The following FGL1 variants were observed in gnomAD, a reference collection of about 807,000 sequenced individuals.
FGL1 encodes the protein fibrinogen-like protein 1.
In FGL1, 59 loss-of-function variants were observed where a neutral mutation model predicts 43.7. The ratio of observed to expected loss-of-function variants is 1.35; its 90% confidence interval spans 1.10 to 1.68. The LOEUF is 1.68. Ranked by LOEUF, FGL1 falls within the 40% of genes most tolerant of loss-of-function variation. FGL1 has a pLI of 0.00. For missense variants in FGL1, 596 were observed against 373.0 expected (o/e 1.60, Z -4.92); for synonymous variants, 192 against 126.5 (o/e 1.52, Z -3.48).
chr8:17,871,269 G>A (rs970581338), intron 5 of FGL1, among the ~76,000 whole-genome samples: 1 of 152,126 alleles, frequency 6.6e-6, no homozygotes, highest in African/African-American at 2.4e-5. Context: ...AAGGCACGCA[G>A]ATGACTTGAA....
chr8:17,868,649 C>G lies in FGL1; in HGVS notation c.678G>C (p.Trp226Cys), dbSNP rs2053308013. 5.6e-6 allele frequency: 9 copies of G among 1,614,032 alleles called. No homozygotes were observed. In the East Asian group the frequency reaches 2.0e-4, roughly 36 times the overall value. The change falls in exon 7 of 8, where the codon TGG becomes TGC. Residue 226 changes from tryptophan to cysteine, a missense_variant. Transcript: ENST00000427924. ...AGNFHPEVQW[W>C]ASHQRMKFST... ...TGAATTTCATTCTTTGGTGACTAGC[C>G]CACCACTGCACCTCAGGATGAAAAT...
chr8:17,867,832 G>A (rs550030605), intron 7 of FGL1, among the ~76,000 whole-genome samples: 1 of 152,316 alleles, frequency 6.6e-6, no homozygotes, highest in Non-Finnish European at 1.5e-5. Context: ...CACTTTGGGA[G>A]GCCGGGGTAG....
chr8:17,866,765 A>C (rs2053275813), intron 7 of FGL1, among the ~76,000 whole-genome samples: 1 of 152,250 alleles, frequency 6.6e-6, no homozygotes, highest in Non-Finnish European at 1.5e-5. Context: ...TGATCTCAGG[A>C]TACTATTAGT....
rs755683462 is a variant in FGL1 at position 17,868,903 on chromosome 8, A to G, written c.591+13T>C. ...ATTTATTCACGGTTTTACTTCTTAGAAAATTGTAGTACCTTTTCATCTCCA... is the reference window on the plus strand; with the variant it reads ...ATTTATTCACGGTTTTACTTCTTAGGAAATTGTAGTACCTTTTCATCTCCA... On this transcript the variant is annotated intron_variant, in intron 6 of 7. Transcript: ENST00000427924. 1 of 1,574,112 alleles carries G rather than the reference A, an allele frequency of 6.4e-7. No individual in the cohort carries two copies. The highest frequency in any genetic ancestry group is 2.2e-5 in the East Asian group (1 of 44,502).
intron 1 of FGL1, among the ~76,000 whole-genome samples, chr8:17,886,541 C>T (rs1041113007): frequency 1.5e-4 from 23 of 151,914 alleles, no homozygotes; most frequent in Non-Finnish European, 5.9e-5. Flanking sequence ...GCAGATCACT[C>T]GAGGTCAGGA....
intron 3 of FGL1, among the ~76,000 whole-genome samples, chr8:17,874,904 G>T (rs118117159): frequency 0.037 from 5,564 of 151,950 alleles, 138 homozygotes; most frequent in African/African-American, 0.059. Flanking sequence ...ACTCCCAAAG[G>T]GCTGGGATTA....
At chr8:17,866,793 GAATTGTTTTCAAAATCA>G (rs1436434690) in intron 7 of FGL1, among the ~76,000 whole-genome samples, 1 of 152,214 alleles carries the variant, frequency 6.6e-6, no homozygotes, top group Non-Finnish European at 1.5e-5. Flanking sequence ...TCTGTATATG[GAATTGTTTTCAAAATCA>G]AACATTGGTG....
intron 7 of FGL1, among the ~76,000 whole-genome samples, chr8:17,867,446 GT>G (rs1028521385): frequency 6.6e-6 from 1 of 152,104 alleles, no homozygotes; most frequent in African/African-American, 2.4e-5. Flanking sequence ...GTAGTTCTCT[GT>G]TTTTTCCTAT....
At chr8:17,895,327 C>T (rs2053759155) in intron 1 of FGL1, 120 bp downstream of exon 1, 1 of 1,144,550 alleles carries the variant, frequency 8.7e-7, no homozygotes, top group African/African-American at 1.6e-5. Context: ...CCTTGCTAGT[C>T]AACCTGACTT....
chr8:17,871,097 C>T (rs532013842), intron 5 of FGL1, among the ~76,000 whole-genome samples: 2 of 152,180 alleles, frequency 1.3e-5, no homozygotes, highest in South Asian at 4.2e-4. Flanking sequence ...ACCACAATTT[C>T]CTTGCCCCAG....
intron 1 of FGL1, among the ~76,000 whole-genome samples, chr8:17,892,196 A>T (rs1414801630): frequency 6.6e-6 from 1 of 152,198 alleles, no homozygotes. Context: ...GGAAAAAAAT[A>T]AATGCCCTTA....
intron 3 of FGL1, among the ~76,000 whole-genome samples, chr8:17,880,321 G>A (rs894581762): frequency 2.0e-5 from 3 of 152,216 alleles, no homozygotes; most frequent in Non-Finnish European, 4.4e-5. Flanking sequence ...AGAGTCTCAT[G>A]CGCTACAGTG....
intron 7 of FGL1, among the ~76,000 whole-genome samples, chr8:17,866,798 G>C (rs2517288): frequency 0.77 from 116,963 of 152,230 alleles, 45,512 homozygotes; most frequent in African/African-American, 0.83. Flanking sequence ...ATATGGAATT[G>C]TTTTCAAAAT....
chr8:17,874,339 G>A (rs760572785), intron 4 of FGL1, 23 bp downstream of exon 4: 11 of 1,607,052 alleles, frequency 6.8e-6, no homozygotes, highest in South Asian at 4.4e-5. Flanking sequence ...TACATATAAA[G>A]TCTTACATCA....
Position 17,882,130 on chromosome 8 carries a change from C to T in FGL1, c.113G>A (p.Arg38His), listed in dbSNP as rs78484373. 4.5e-5 allele frequency: 72 copies of T among 1,613,790 alleles called. No homozygotes were observed. The highest frequency in any genetic ancestry group is 6.7e-5 in the African/African-American group (5 of 74,858). Residue 38 changes from arginine to histidine, a missense_variant, in exon 3 of 8, where the codon CGC (arginine) becomes CAC (histidine). Coordinates refer to ENST00000427924, the MANE Select transcript of FGL1 (RefSeq NM_004467.4). The stretch of plus-strand genomic sequence containing the variant: ...CTGTTTGACCCGGGTCTCAAGCAGG[C>T]GCACCTGGGCTCTGAGCCGCATCTG... Reference protein sequence around the residue: ...QEQMRLRAQVRLLETRVKQQQ... With the variant: ...QEQMRLRAQVHLLETRVKQQQ...
At chr8:17,895,127 A>G in intron 1 of FGL1, 1 of 241,178 alleles carries the variant, frequency 4.1e-6, no homozygotes, top group Non-Finnish European at 6.7e-6. Context: ...CATATTTAGA[A>G]AGTCATTATA....
chr8:17,871,213 C>T (rs942540569), intron 5 of FGL1, among the ~76,000 whole-genome samples: 8 of 152,042 alleles, frequency 5.3e-5, no homozygotes, highest in African/African-American at 1.7e-4. Context: ...CTATTACAGA[C>T]GAGATGCGGT....
intron 3 of FGL1, among the ~76,000 whole-genome samples, chr8:17,879,374 C>G (rs1282095288): frequency 3.3e-5 from 5 of 152,088 alleles, no homozygotes; most frequent in African/African-American, 1.2e-4. Flanking sequence ...AGGACTGGAT[C>G]TTCAGCTCTT....
chr8:17,883,144 A>T (rs2053570881), intron 2 of FGL1, among the ~76,000 whole-genome samples: 1 of 98,182 alleles, frequency 1.0e-5, no homozygotes, highest in South Asian at 3.4e-4. Context: ...ATAATATATA[A>T]TATATATCAT....
Sources: allele counts gnomAD v4.1 joint callset (sites outside exome capture counted in the v4.1 genomes callset), GRCh38; gene constraint gnomAD v4.1.1; transcripts MANE v1.5; gene names NCBI Gene and HGNC (gene_info 2026-07-23, HGNC 2026-07-21).